The following SGMS2 variants were observed in gnomAD, a reference collection of about 807,000 sequenced individuals.
SGMS2 encodes the protein sphingomyelin synthase 2, also known as phosphatidylcholine:ceramide cholinephosphotransferase 2.
In SGMS2, 21 loss-of-function variants were observed where a neutral mutation model predicts 43.8. The ratio of observed to expected loss-of-function variants is 0.48; its 90% CI spans 0.34 to 0.69. The LOEUF is 0.69. Ranked by LOEUF, SGMS2 falls within the 30% of genes least tolerant of loss-of-function variation. SGMS2 has a pLI of 0.01. For missense variants in SGMS2, 384 were observed against 443.2 expected (o/e 0.87, Z 1.20); for synonymous variants, 167 against 160.6 (o/e 1.04, Z -0.30).
chr4:107,890,289 T>G (rs1730092994), intron 2 of SGMS2, among the ~76,000 whole-genome samples: 1 of 152,094 alleles, frequency 6.6e-6, no homozygotes, highest in South Asian at 2.1e-4. Flanking sequence ...TAAACTAGTT[T>G]AGGTCCCTCA....
At chr4:107,846,714 T>A (rs1231788321) in intron 1 of SGMS2, among the ~76,000 whole-genome samples, 3 of 150,358 alleles carry the variant, frequency 2.0e-5, no homozygotes, top group Admixed American at 1.3e-4. Context: ...GTTGAACTAG[T>A]TTACAGTCCC....
At chr4:107,840,240 A>T (rs1236128314) in intron 1 of SGMS2, among the ~76,000 whole-genome samples, 1 of 152,216 alleles carries the variant, frequency 6.6e-6, no homozygotes, top group Non-Finnish European at 1.5e-5. Context: ...AAGTCAAAAG[A>T]ACTTTTCTTG....
intron 2 of SGMS2, chr4:107,866,828 A>G (rs556582082): frequency 6.6e-6 from 1 of 152,308 alleles, no homozygotes; most frequent in East Asian, 1.9e-4. Context: ...TATTTTTAAT[A>G]TGGCCAAGAG....
intron 1 of SGMS2, among the ~76,000 whole-genome samples, chr4:107,837,074 C>T (rs1370971462): frequency 6.6e-6 from 1 of 152,206 alleles, no homozygotes; most frequent in Non-Finnish European, 1.5e-5. Flanking sequence ...CCCAAGCCCT[C>T]CTCCATTCCT....
intron 2 of SGMS2, among the ~76,000 whole-genome samples, chr4:107,866,586 A>T (rs1728143142): frequency 6.6e-6 from 1 of 151,888 alleles, no homozygotes; most frequent in South Asian, 2.1e-4. Context: ...CCAAAAACAA[A>T]AAAAAAACAA....
chr4:107,829,199 T>A (rs144495200), intron 1 of SGMS2, among the ~76,000 whole-genome samples: 109 of 152,354 alleles, frequency 7.2e-4, no homozygotes, highest in African/African-American at 2.4e-3. Flanking sequence ...GTTTGACATT[T>A]TGGGGCTGAT....
At chr4:107,875,423 T>C (rs1465419497) in intron 2 of SGMS2, among the ~76,000 whole-genome samples, 1 of 152,142 alleles carries the variant, frequency 6.6e-6, no homozygotes, top group South Asian at 2.1e-4. Flanking sequence ...ACAAATACCA[T>C]GTGTTCTTAC....
At chr4:107,908,981 AAAATATATGTACT>A (rs1204844733) in intron 6 of SGMS2, among the ~76,000 whole-genome samples, 18 of 152,366 alleles carry the variant, frequency 1.2e-4, no homozygotes, top group African/African-American at 4.3e-4. Context: ...CTAGAATGAA[AAAATATATGTACT>A]AAATTAAAAT....
intron 2 of SGMS2, among the ~76,000 whole-genome samples, chr4:107,888,102 G>A (rs1465151254): frequency 1.3e-5 from 2 of 152,002 alleles, no homozygotes; most frequent in African/African-American, 4.8e-5. Context: ...ATAGTTCCTG[G>A]GCCTTGAGGA....
intron 2 of SGMS2, chr4:107,864,042 C>T (rs1364947558): frequency 6.6e-6 from 1 of 152,260 alleles, no homozygotes; most frequent in Non-Finnish European, 1.5e-5. Context: ...AGCTCATAAC[C>T]AGCAGAGGAG....
intron 2 of SGMS2, among the ~76,000 whole-genome samples, chr4:107,861,003 T>A (rs888330848): frequency 1.3e-5 from 2 of 152,234 alleles, no homozygotes; most frequent in Non-Finnish European, 2.9e-5. Flanking sequence ...TGTGTGATAA[T>A]GATTTGTTTG....
At chr4:107,849,250 G>T (rs1250866901) in intron 1 of SGMS2, among the ~76,000 whole-genome samples, 1 of 152,004 alleles carries the variant, frequency 6.6e-6, no homozygotes, top group Non-Finnish European at 1.5e-5. Flanking sequence ...CCTTAGTTAT[G>T]TCTGAGAGCA....
intron 1 of SGMS2, among the ~76,000 whole-genome samples, chr4:107,837,619 A>G (rs1418549051): frequency 6.6e-6 from 1 of 152,152 alleles, no homozygotes; most frequent in Non-Finnish European, 1.5e-5. Flanking sequence ...TTGTGATGTG[A>G]CATAAGGAGA....
chr4:107,895,333 G>A lies in SGMS2; in HGVS notation c.-221G>A, dbSNP rs1730578353. On this transcript the variant is annotated 5_prime_UTR_variant, in exon 3 of 7. Transcript: ENST00000690982. ...AGGTGGGATAGTAACATCTTTTTGA[G>A]GGAAGAATTGGCTTCCTTTCTTGAA... The A allele has an allele frequency of 2.0e-6, 1 of 493,354 alleles. No individual in the cohort carries two copies. Among genetic ancestry groups the A allele is most frequent in the African/African-American group, 1.9e-5 (1 of 51,590 alleles). The allele number at this position is 493,354 out of a possible 1,614,324, so 30.6% of individuals were successfully genotyped here.
At chr4:107,869,077 G>T (rs571845917) in intron 2 of SGMS2, among the ~76,000 whole-genome samples, 3 of 152,244 alleles carry the variant, frequency 2.0e-5, no homozygotes, top group Admixed American at 6.5e-5. Context: ...CACCCAAGAG[G>T]GGGAGGTTGG....
chr4:107,870,932 A>G (rs989484211), intron 2 of SGMS2, among the ~76,000 whole-genome samples: 16 of 152,248 alleles, frequency 1.1e-4, no homozygotes, highest in Non-Finnish European at 2.1e-4. Context: ...TGGAAATAAG[A>G]TTAACTATAA....
At chr4:107,827,538 A>T (rs1483650801) in intron 1 of SGMS2, among the ~76,000 whole-genome samples, 2 of 152,218 alleles carry the variant, frequency 1.3e-5, no homozygotes, top group Non-Finnish European at 2.9e-5. Flanking sequence ...GGGGCTCGTA[A>T]ATTCTTTATG....
intron 2 of SGMS2, among the ~76,000 whole-genome samples, chr4:107,870,779 G>A (rs1728505367): frequency 6.6e-6 from 1 of 151,900 alleles, no homozygotes; most frequent in Non-Finnish European, 1.5e-5. Flanking sequence ...TTTGTTTCAT[G>A]GTAAGCAAAG....
intron 2 of SGMS2, among the ~76,000 whole-genome samples, chr4:107,871,078 T>C (rs188974919): frequency 7.9e-5 from 12 of 152,256 alleles, no homozygotes; most frequent in Admixed American, 4.6e-4. Flanking sequence ...ATTTCACCCT[T>C]TAGAAAACAG....
Sources: gnomAD v4.1 joint callset for allele counts (sites outside exome capture counted in the v4.1 genomes callset) on GRCh38, gnomAD v4.1.1 for gene constraint, MANE v1.5 for transcripts, NCBI Gene and HGNC (gene_info 2026-07-23, HGNC 2026-07-21) for gene names.